The following PDE4B variants were observed in gnomAD, a reference collection of about 807,000 sequenced individuals.
PDE4B encodes phosphodiesterase 4B.
In PDE4B, 20 loss-of-function variants were observed where a neutral mutation model predicts 82.2. The ratio of observed to expected loss-of-function variants is 0.24; its 90% CI spans 0.17 to 0.35. The LOEUF (loss-of-function observed/expected upper bound fraction) is 0.35, where lower values mean the gene tolerates loss of function less well. Among genes scored for constraint, PDE4B ranks in the 10% least tolerant of loss-of-function variants. The pLI is 1.00. For missense variants in PDE4B, 655 were observed against 907.2 expected (o/e 0.72, Z 3.57); for synonymous variants, 320 against 318.9 (o/e 1.00, Z -0.04).
intron 15 of PDE4B, among the ~76,000 whole-genome samples, chr1:66,368,564 C>G (rs983650633): frequency 6.6e-6 from 1 of 152,182 alleles, no homozygotes; most frequent in African/African-American, 2.4e-5. Context: ...GACTGTCGGT[C>G]TAAGAAGACA....
intron 3 of PDE4B, among the ~76,000 whole-genome samples, chr1:65,974,984 T>C (rs1301415191): frequency 6.6e-6 from 1 of 152,038 alleles, no homozygotes; most frequent in Non-Finnish European, 1.5e-5. Flanking sequence ...CAGCTGAAAA[T>C]GTGGAAGCAA....
Position 65,795,737 on chromosome 1 carries a change from G to T in PDE4B, c.-71+2489G>T, listed in dbSNP as rs1645624686. Among the ~76,000 whole-genome samples, 3 of 152,318 alleles carry T rather than the reference G, an allele frequency of 2.0e-5. 1 individual carries two copies. The South Asian group carries it at 6.2e-4, about 32-fold the overall frequency. On this transcript the variant is annotated intron_variant, in intron 1 of 16. Transcript: ENST00000341517. Reference sequence around the variant, plus strand: ...TTTCTAGCTCTGGAGCTCCCTGAGGGCTTGCATTGCAGCTCTACTTCTCTC... The same window carrying T: ...TTTCTAGCTCTGGAGCTCCCTGAGGTCTTGCATTGCAGCTCTACTTCTCTC...
At chr1:66,008,294 T>C (rs947238721) in intron 3 of PDE4B, among the ~76,000 whole-genome samples, 1 of 152,156 alleles carries the variant, frequency 6.6e-6, no homozygotes, top group African/African-American at 2.4e-5. Flanking sequence ...TCCAGGCATG[T>C]CATTGTATTT....
Position 66,010,352 on chromosome 1 carries a change from TAAAGAG to T in PDE4B, c.281+91524_281+91529del, listed in dbSNP as rs557031408. Among the ~76,000 whole-genome samples, 822 of 151,806 alleles carry T rather than the reference TAAAGAG, an allele frequency of 5.4e-3. 4 individuals carry two copies. Among genetic ancestry groups the T allele is most frequent in the African/African-American group, 0.019 (780 of 41,518 alleles). On this transcript the variant is annotated intron_variant, in intron 3 of 16. Transcript: ENST00000341517. ...ATTTAATAAGAGATTATTTTCTTTA[TAAAGAG>T]AAAGAGGGGCATTTGGCAAGTATAC...
chr1:65,825,763 C>T (rs556583941), intron 1 of PDE4B, among the ~76,000 whole-genome samples: 1 of 146,292 alleles, frequency 6.8e-6, no homozygotes, highest in South Asian at 2.2e-4. Context: ...TCTATCTCAA[C>T]ATTCTCTTGG....
chr1:66,277,356 A>G (rs1003749159), intron 7 of PDE4B, among the ~76,000 whole-genome samples: 1 of 152,074 alleles, frequency 6.6e-6, no homozygotes, highest in African/African-American at 2.4e-5. Context: ...ACGTGATCTG[A>G]TATGCATTCT....
At chr1:66,090,861 G>A (rs897064816) in intron 3 of PDE4B, among the ~76,000 whole-genome samples, 2 of 151,572 alleles carry the variant, frequency 1.3e-5, no homozygotes, top group South Asian at 2.1e-4. Flanking sequence ...GCTGTATGAC[G>A]GGAACTAGAG....
chr1:66,335,735 A>C (rs190341143), intron 8 of PDE4B, among the ~76,000 whole-genome samples: 65 of 152,360 alleles, frequency 4.3e-4, no homozygotes, highest in African/African-American at 1.6e-3. Flanking sequence ...GTTCAGCAGA[A>C]GTTTTACAAG....
chr1:66,164,535 C>CAAAAAAAAAAAAAAAA (rs10718019), intron 3 of PDE4B, among the ~76,000 whole-genome samples: 13 of 48,554 alleles, frequency 2.7e-4, no homozygotes, highest in Admixed American at 3.6e-4. Context: ...GACTCCGTCT[C>CAAAAAAAAAAAAAAAA]AAAAAAAAAA....
intron 3 of PDE4B, among the ~76,000 whole-genome samples, chr1:66,125,051 C>A (rs1393084285): frequency 2.7e-5 from 4 of 150,636 alleles, no homozygotes; most frequent in Non-Finnish European, 4.4e-5. Context: ...AATTACCTTA[C>A]TATTTTTTTT....
intron 1 of PDE4B, among the ~76,000 whole-genome samples, chr1:65,887,247 T>TTTCTTTCTC (rs1297971405): frequency 2.7e-5 from 1 of 37,700 alleles, no homozygotes; most frequent in African/African-American, 1.1e-4. Flanking sequence ...TCTTTCTTTC[T>TTTCTTTCTC]TTTCTTTCTT....
chr1:65,846,846 T>C (rs1646272990), intron 1 of PDE4B, among the ~76,000 whole-genome samples: 1 of 152,210 alleles, frequency 6.6e-6, no homozygotes, highest in Admixed American at 6.5e-5. Flanking sequence ...TTCTCAGCTT[T>C]TGGCAGATAA....
intron 3 of PDE4B, among the ~76,000 whole-genome samples, chr1:66,017,366 T>C (rs1241801774): frequency 6.6e-6 from 1 of 152,174 alleles, no homozygotes; most frequent in African/African-American, 2.4e-5. Context: ...TCAATATTGA[T>C]GTGTTTAAAA....
chr1:65,949,705 A>C (rs1648894495), intron 3 of PDE4B, among the ~76,000 whole-genome samples: 1 of 152,110 alleles, frequency 6.6e-6, no homozygotes. Context: ...GAAGTGGAGC[A>C]AGTCCTGAGA....
chr1:65,996,535 T>A (rs887356798), intron 3 of PDE4B, among the ~76,000 whole-genome samples: 1 of 152,102 alleles, frequency 6.6e-6, no homozygotes, highest in African/African-American at 2.4e-5. Flanking sequence ...ACACCTACTA[T>A]ATTTTAAGTT....
intron 3 of PDE4B, among the ~76,000 whole-genome samples, chr1:66,184,815 C>A (rs1274540976): frequency 6.8e-6 from 1 of 147,394 alleles, no homozygotes. Flanking sequence ...TTTTTTTTAA[C>A]TCTTTAACTT....
chr1:66,148,261 T>C (rs2455036), intron 3 of PDE4B, among the ~76,000 whole-genome samples: 151,811 of 152,144 alleles, frequency 1, 75,740 homozygotes, highest in Middle Eastern at 1. Context: ...TAGAGTGAGA[T>C]GCTGTCTTTA....
intron 9 of PDE4B, among the ~76,000 whole-genome samples, chr1:66,356,442 C>A (rs1387093651): frequency 6.6e-6 from 1 of 152,232 alleles, no homozygotes; most frequent in African/African-American, 2.4e-5. Flanking sequence ...CAAATCTGTA[C>A]ATCAAAGTAA....
intron 6 of PDE4B, among the ~76,000 whole-genome samples, chr1:66,263,951 C>A (rs897019628): frequency 6.6e-6 from 1 of 152,200 alleles, no homozygotes; most frequent in Non-Finnish European, 1.5e-5. Flanking sequence ...CATTCATTCA[C>A]TCTTCTATTC....
Sources: allele counts gnomAD v4.1 joint callset (sites outside exome capture counted in the v4.1 genomes callset), GRCh38; gene constraint gnomAD v4.1.1; transcripts MANE v1.5; gene names NCBI Gene and HGNC (gene_info 2026-07-23, HGNC 2026-07-21).